PLEKHM3: variants seen among roughly 807,000 people sequenced by gnomAD.
PLEKHM3 encodes the protein pleckstrin homology domain containing M3.
Under a neutral mutation model 81.8 loss-of-function variants are expected in PLEKHM3, and 45 were observed. The observed-to-expected ratio is 0.55, with a 90% CI of 0.43 to 0.71. The LOEUF (loss-of-function observed/expected upper bound fraction) is 0.71, where lower values mean the gene tolerates loss of function less well. PLEKHM3 is among the 30% of genes least tolerant of loss of function. The pLI is 0.00. For synonymous variants in PLEKHM3, 352 were observed against 356.4 expected, an observed-to-expected ratio of 0.99 and a Z score of 0.14; for missense variants, 788 against 924.3, an observed-to-expected ratio of 0.85 and a Z score of 1.91.
intron 7 of PLEKHM3, among the ~76,000 whole-genome samples, chr2:207,851,010 G>T (rs973783409): frequency 2.0e-5 from 3 of 152,022 alleles, no homozygotes; most frequent in African/African-American, 4.8e-5. Flanking sequence ...AAAATTAGCT[G>T]GGCGTCGTGG....
At chr2:207,990,034 A>T (rs1405818748) in intron 2 of PLEKHM3, among the ~76,000 whole-genome samples, 1 of 152,092 alleles carries the variant, frequency 6.6e-6, no homozygotes, top group East Asian at 1.9e-4. Flanking sequence ...CCTCCTTCTC[A>T]TGGGTGGGGT....
chr2:207,939,780 G>A (rs1308803751), intron 4 of PLEKHM3, among the ~76,000 whole-genome samples: 3 of 152,182 alleles, frequency 2.0e-5, no homozygotes, highest in Non-Finnish European at 4.4e-5. Context: ...GGCAGGAAGC[G>A]CAAATAGGAG....
chr2:207,859,232 T>C (rs2092454248), intron 7 of PLEKHM3, among the ~76,000 whole-genome samples: 1 of 144,976 alleles, frequency 6.9e-6, no homozygotes, highest in African/African-American at 2.5e-5. Flanking sequence ...TCCGCCTCCC[T>C]GGTTCAAGCA....
At chr2:207,894,694 T>C in intron 6 of PLEKHM3, among the ~76,000 whole-genome samples, 1 of 152,214 alleles carries the variant, frequency 6.6e-6, no homozygotes, top group South Asian at 2.1e-4. Flanking sequence ...CCCATTTCTC[T>C]AAAGAAGGGA....
At chr2:208,017,042 T>C (rs1692945837) in intron 1 of PLEKHM3, among the ~76,000 whole-genome samples, 1 of 152,214 alleles carries the variant, frequency 6.6e-6, no homozygotes, top group South Asian at 2.1e-4. Flanking sequence ...CTACACATCC[T>C]CTCATTTGGT....
At chr2:207,901,457 C>T (rs1370885862) in intron 6 of PLEKHM3, 1 of 650,538 alleles carries the variant, frequency 1.5e-6, no homozygotes, top group East Asian at 2.7e-5. Flanking sequence ...GACATCAAGA[C>T]TGAAAGTGAG....
At chr2:207,838,716 T>C (rs1027681390) in intron 7 of PLEKHM3, among the ~76,000 whole-genome samples, 1 of 152,220 alleles carries the variant, frequency 6.6e-6, no homozygotes, top group African/African-American at 2.4e-5. Context: ...TGGTAATTAA[T>C]ATAATTCTCG....
At chr2:207,922,469 C>T (rs1270994371) in intron 5 of PLEKHM3, among the ~76,000 whole-genome samples, 1 of 152,146 alleles carries the variant, frequency 6.6e-6, no homozygotes, top group Non-Finnish European at 1.5e-5. Flanking sequence ...CCTTTAAGGG[C>T]CTTCTGATCT....
chr2:208,007,460 C>A (rs1385402449), intron 1 of PLEKHM3, among the ~76,000 whole-genome samples: 1 of 151,994 alleles, frequency 6.6e-6, no homozygotes, highest in Non-Finnish European at 1.5e-5. Flanking sequence ...CCAGGGTGGA[C>A]CTCATAAAAA....
At chr2:207,835,065 G>A (rs990287985) in intron 7 of PLEKHM3, among the ~76,000 whole-genome samples, 1 of 151,118 alleles carries the variant, frequency 6.6e-6, no homozygotes, top group East Asian at 2.0e-4. Context: ...CTCAGCCTCC[G>A]AAGTAGCTGG....
In PLEKHM3 at chr2:207,828,286, T is replaced by C. The variant is rs952063596; in HGVS notation, c.*33A>G. Reference sequence around the variant, plus strand: ...CGCTCTGGGGCTGATGGATTGTTGATTGGTGAATCCCTGGCCTTCGGGTCG... The same window carrying C: ...CGCTCTGGGGCTGATGGATTGTTGACTGGTGAATCCCTGGCCTTCGGGTCG... On this transcript the variant is annotated 3_prime_UTR_variant, in exon 8 of 8. Coordinates refer to ENST00000427836, the MANE Select transcript of PLEKHM3 (RefSeq NM_001080475.3). 1 of 1,589,442 alleles carries C rather than the reference T, an allele frequency of 6.3e-7. No homozygotes were observed. The highest frequency in any genetic ancestry group is 8.6e-7 in the Non-Finnish European group (1 of 1,166,518).
chr2:207,936,203 T>G (rs1689746115), intron 4 of PLEKHM3, among the ~76,000 whole-genome samples: 2 of 152,340 alleles, frequency 1.3e-5, no homozygotes, highest in South Asian at 4.2e-4. Flanking sequence ...CAAGCTGGTC[T>G]CAAGCAAATC....
rs181322814 is a variant in PLEKHM3, at chr2:208,004,679, A to G, written c.-318-2722T>C. ...TTGCTCTTCCCCCAGATACCCCAAC[A>G]TGGACAACTCTCTCCTTAGGTAATT... On this transcript the variant is annotated intron_variant, in intron 1 of 7. Coordinates refer to ENST00000427836, the MANE Select transcript of PLEKHM3 (RefSeq NM_001080475.3). Among the ~76,000 whole-genome samples, 384 of 152,242 alleles carry G rather than the reference A, an allele frequency of 2.5e-3. 7 individuals are homozygous for G. Among genetic ancestry groups the G allele is most frequent in the Admixed American group, 0.022 (333 of 15,294 alleles).
At chr2:207,829,358 C>T (rs1488772039) in intron 7 of PLEKHM3, among the ~76,000 whole-genome samples, 2 of 152,168 alleles carry the variant, frequency 1.3e-5, no homozygotes, top group East Asian at 3.8e-4. Context: ...ACTGCACCCT[C>T]TGCCTCCTCC....
chr2:207,907,815 CTCTT>C (rs1050289008), intron 6 of PLEKHM3, among the ~76,000 whole-genome samples: 1 of 152,184 alleles, frequency 6.6e-6, no homozygotes, highest in Non-Finnish European at 1.5e-5. Flanking sequence ...TCCAAAGAAA[CTCTT>C]TATCCATGAG....
intron 1 of PLEKHM3, among the ~76,000 whole-genome samples, chr2:208,021,383 G>A (rs989574102): frequency 6.6e-6 from 1 of 152,142 alleles, no homozygotes; most frequent in Non-Finnish European, 1.5e-5. Context: ...GACATTCAGC[G>A]ATCCTTCTAC....
At chr2:207,973,556 T>C (rs1272489036) in intron 3 of PLEKHM3, among the ~76,000 whole-genome samples, 2 of 152,240 alleles carry the variant, frequency 1.3e-5, no homozygotes, top group East Asian at 1.9e-4. Context: ...CTGACCAACA[T>C]GGAGAAACCC....
chr2:207,907,836 C>T (rs768441315), intron 6 of PLEKHM3, among the ~76,000 whole-genome samples: 8 of 152,336 alleles, frequency 5.3e-5, no homozygotes, highest in Non-Finnish European at 8.8e-5. Flanking sequence ...TGAGCAGGCA[C>T]TCCTCATTTC....
intron 6 of PLEKHM3, among the ~76,000 whole-genome samples, chr2:207,898,762 G>A (rs1367095579): frequency 1.3e-5 from 2 of 152,088 alleles, no homozygotes; most frequent in African/African-American, 4.8e-5. Context: ...GTAGCGTGGT[G>A]GCGCGTGCCT....
Sources: allele counts gnomAD v4.1 joint callset (sites outside exome capture counted in the v4.1 genomes callset), GRCh38; gene constraint gnomAD v4.1.1; transcripts MANE v1.5; gene names NCBI Gene and HGNC (gene_info 2026-07-23, HGNC 2026-07-21).